PTPRD: variants seen among roughly 807,000 people sequenced by gnomAD.
PTPRD encodes receptor-type tyrosine-protein phosphatase delta.
Under a neutral mutation model 214.5 loss-of-function variants are expected in PTPRD, and 34 were observed. The ratio of observed to expected loss-of-function variants is 0.16; its 90% CI spans 0.12 to 0.21. The LOEUF (loss-of-function observed/expected upper bound fraction) is 0.21. Among genes scored for constraint, PTPRD ranks in the 10% least tolerant of loss-of-function variants. The pLI is 1.00. For synonymous variants in PTPRD, 1,128 were observed against 845.7 expected (o/e 1.33, Z -5.79); for missense variants, 2,545 against 2,398.7 (o/e 1.06, Z -1.27).
intron 3 of PTPRD, among the ~76,000 whole-genome samples, chr9:10,158,288 G>T (rs548404087): frequency 3.9e-5 from 6 of 152,106 alleles, no homozygotes; most frequent in African/African-American, 1.4e-4. Flanking sequence ...GGTTACAGGC[G>T]TGAGCCACTG....
chr9:9,831,194 C>T (rs2054704158), intron 5 of PTPRD, among the ~76,000 whole-genome samples: 1 of 151,888 alleles, frequency 6.6e-6, no homozygotes, highest in Admixed American at 6.6e-5. Flanking sequence ...TGTTAAAATG[C>T]ACTGGATAGC....
intron 5 of PTPRD, among the ~76,000 whole-genome samples, chr9:9,846,656 C>A (rs997502652): frequency 1.3e-5 from 2 of 152,080 alleles, no homozygotes; most frequent in South Asian, 2.1e-4. Context: ...GAAGACAGAG[C>A]ATGGAAACTT....
chr9:9,276,040 C>G (rs1335268524), intron 9 of PTPRD, among the ~76,000 whole-genome samples: 1 of 151,246 alleles, frequency 6.6e-6, no homozygotes, highest in Admixed American at 6.6e-5. Flanking sequence ...CATCTCAGCC[C>G]TAGAGGGAAA....
chr9:9,229,610 C>G (rs1390647575), intron 9 of PTPRD, among the ~76,000 whole-genome samples: 2 of 152,122 alleles, frequency 1.3e-5, no homozygotes, highest in Non-Finnish European at 2.9e-5. Flanking sequence ...CTCGGGTTTA[C>G]TCTCAGACCA....
chr9:9,537,912 G>C (rs1232291026), intron 8 of PTPRD, among the ~76,000 whole-genome samples: 2 of 151,620 alleles, frequency 1.3e-5, no homozygotes, highest in Non-Finnish European at 2.9e-5. Context: ...ACTTAGATTG[G>C]TTTTAATATT....
intron 8 of PTPRD, among the ~76,000 whole-genome samples, chr9:9,436,839 C>G (rs2085452244): frequency 6.6e-6 from 1 of 151,678 alleles, no homozygotes; most frequent in Non-Finnish European, 1.5e-5. Flanking sequence ...AGACTTCAGG[C>G]TGGTGTTATC....
intron 8 of PTPRD, among the ~76,000 whole-genome samples, chr9:9,518,797 A>T (rs2096896681): frequency 6.6e-6 from 1 of 152,058 alleles, no homozygotes; most frequent in Non-Finnish European, 1.5e-5. Context: ...AAAACAAGTA[A>T]GAAAGATTCA....
intron 3 of PTPRD, among the ~76,000 whole-genome samples, chr9:10,285,622 TTTTTTTGA>T (rs1266994361): frequency 6.9e-6 from 1 of 144,174 alleles, no homozygotes; most frequent in Admixed American, 6.9e-5. Flanking sequence ...TTTTTTTTTT[TTTTTTTGA>T]AACAGAGTCT....
chr9:9,889,402 A>G (rs1224464441), intron 5 of PTPRD, among the ~76,000 whole-genome samples: 1 of 152,138 alleles, frequency 6.6e-6, no homozygotes, highest in Non-Finnish European at 1.5e-5. Flanking sequence ...TCAATTAAAA[A>G]ATACAAATTT....
At chr9:9,964,775 A>T (rs982770882) in intron 4 of PTPRD, among the ~76,000 whole-genome samples, 71 of 152,280 alleles carry the variant, frequency 4.7e-4, no homozygotes, top group African/African-American at 1.4e-3. Flanking sequence ...AAAAGTGAAA[A>T]CATTTTAACA....
intron 2 of PTPRD, among the ~76,000 whole-genome samples, chr9:10,602,827 T>C (rs145981665): frequency 2.6e-5 from 4 of 151,922 alleles, no homozygotes; most frequent in African/African-American, 9.6e-5. Context: ...AACAGTCTCA[T>C]TTCATTATTA....
rs111719672 is a variant in PTPRD, at chr9:9,180,065, G to A, written c.-143+3239C>T. On this transcript the variant is annotated intron_variant, in intron 10 of 45. Coordinates refer to ENST00000381196, the MANE Select transcript of PTPRD (RefSeq NM_002839.4). ...TTTGTGTTACATAAGTACCGATTGCGCCACTGGATGACCCAGCCATCCCAT... is the reference window on the plus strand; with the variant it reads ...TTTGTGTTACATAAGTACCGATTGCACCACTGGATGACCCAGCCATCCCAT... Among the ~76,000 whole-genome samples, 14 of 151,974 alleles carry A rather than the reference G, an allele frequency of 9.2e-5. 1 individual carries two copies. Among genetic ancestry groups the A allele is most frequent in the East Asian group, 7.8e-4 (4 of 5,132 alleles).
chr9:9,940,919 C>T (rs1449536592), intron 4 of PTPRD, among the ~76,000 whole-genome samples: 1 of 152,094 alleles, frequency 6.6e-6, no homozygotes, highest in Non-Finnish European at 1.5e-5. Flanking sequence ...TGACCATTCC[C>T]TTCTTGTTCT....
At chr9:9,461,373 T>C (rs2093641642) in intron 8 of PTPRD, among the ~76,000 whole-genome samples, 1 of 152,082 alleles carries the variant, frequency 6.6e-6, no homozygotes, top group East Asian at 1.9e-4. Flanking sequence ...AGAAGTTGTC[T>C]GTATTTTTTA....
At position 10,486,453 on chromosome 9, in the gene PTPRD, C is replaced by T. The variant is rs1466082803; in HGVS notation, c.-600+125945G>A. On this transcript the variant is annotated intron_variant, in intron 2 of 45. Transcript: ENST00000381196. ...TGAATAGGAGATTCTCTCCCCATTGCTTGTTTTGGGCAGGTTTGTCAAAGA... is the reference window on the plus strand; with the variant it reads ...TGAATAGGAGATTCTCTCCCCATTGTTTGTTTTGGGCAGGTTTGTCAAAGA... Among the ~76,000 whole-genome samples, 3 of 152,192 alleles carry T rather than the reference C, an allele frequency of 2.0e-5. No individual in the cohort carries two copies. The East Asian group carries it at 5.8e-4, about 29-fold the overall frequency.
intron 10 of PTPRD, among the ~76,000 whole-genome samples, chr9:9,085,089 C>T (rs1166033302): frequency 2.0e-5 from 3 of 152,008 alleles, no homozygotes; most frequent in Non-Finnish European, 4.4e-5. Flanking sequence ...TATTTCATTA[C>T]AAAACAATTT....
intron 2 of PTPRD, among the ~76,000 whole-genome samples, chr9:10,538,303 G>T (rs931994851): frequency 6.6e-6 from 1 of 150,504 alleles, no homozygotes; most frequent in Non-Finnish European, 1.5e-5. Context: ...AATAAAAAGG[G>T]AGAGGAGTGG....
At chr9:8,643,773 A>G (rs11795341) in intron 12 of PTPRD, among the ~76,000 whole-genome samples, 24,909 of 152,102 alleles carry the variant, frequency 0.16, 2,494 homozygotes, top group African/African-American at 0.28. Context: ...CCAGGGTGGA[A>G]GGGAAGCCAA....
At chr9:8,556,255 C>G (rs529361565) in intron 14 of PTPRD, among the ~76,000 whole-genome samples, 1 of 152,294 alleles carries the variant, frequency 6.6e-6, no homozygotes, top group South Asian at 2.1e-4. Context: ...TTTACTATGT[C>G]CAGAGCATAT....
Sources: allele counts gnomAD v4.1 joint callset (sites outside exome capture counted in the v4.1 genomes callset), GRCh38; gene constraint gnomAD v4.1.1; transcripts MANE v1.5; gene names NCBI Gene and HGNC (gene_info 2026-07-23, HGNC 2026-07-21).